The following ABCA13 variants were observed in gnomAD, a reference collection of about 807,000 sequenced individuals.
ABCA13 encodes the protein ATP binding cassette subfamily A member 13, also known as ATP-binding cassette sub-family A member 13.
A neutral mutation model predicts 478.7 loss-of-function variants in ABCA13; 476 were observed. The ratio of observed to expected loss-of-function variants is 0.99; its 90% CI spans 0.92 to 1.07. The LOEUF is 1.07. ABCA13 is among the 50% of genes least tolerant of loss of function. The probability of loss-of-function intolerance (pLI) is 0.00; values close to 1 mark genes in which losing one functional copy is unlikely to be tolerated. For synonymous variants in ABCA13, 2,252 were observed against 2,158.9 expected, an observed-to-expected ratio of 1.04 and a Z score of -1.20; for missense variants, 6,060 against 5,910.6, an observed-to-expected ratio of 1.03 and a Z score of -0.83.
At chr7:48,451,615 GTGTGCCCATTTTCTTT>G (rs1825045924) in intron 42 of ABCA13, among the ~76,000 whole-genome samples, 1 of 152,048 alleles carries the variant, frequency 6.6e-6, no homozygotes, top group Non-Finnish European at 1.5e-5. Flanking sequence ...CCTGAACGTT[GTGTGCCCATTTTCTTT>G]TGGAGTTTTC....
rs1790817665 is a variant in ABCA13, at chr7:48,600,837, C to CA, written c.14744+6026dup. ...CCACAGTCTTAAATAGTAATCCATA[C>CA]AATTGTCATTTCTGACGCATATCTG... On this transcript the variant is annotated intron_variant, in intron 58 of 61. Coordinates refer to ENST00000435803, the MANE Select transcript of ABCA13 (RefSeq NM_152701.5). 2.0e-5 allele frequency among the ~76,000 whole-genome samples: 3 copies of CA among 152,118 alleles called. 1 individual carries two copies. The highest frequency in any genetic ancestry group is 4.1e-4 in the South Asian group (2 of 4,830).
In ABCA13 at chr7:48,394,372, C is replaced by T. The variant is rs572669597; in HGVS notation, c.11873+2233C>T. Among the ~76,000 whole-genome samples the T allele has an allele frequency of 5.3e-5, 8 of 152,270 alleles. No homozygotes were observed. In the South Asian group the frequency reaches 6.2e-4, roughly 12 times the overall value. The stretch of plus-strand genomic sequence containing the variant: ...CCCTGAGCACACTGAACAGGCCCTT[C>T]GCTGCGTTCGTGTTGTGATGGGCTC... On this transcript the variant is annotated intron_variant, in intron 38 of 61. Coordinates refer to ENST00000435803, the MANE Select transcript of ABCA13 (RefSeq NM_152701.5).
At chr7:48,186,517 A>G (rs1424790124) in intron 1 of ABCA13, among the ~76,000 whole-genome samples, 2 of 150,452 alleles carry the variant, frequency 1.3e-5, no homozygotes, top group Non-Finnish European at 3.0e-5. Context: ...GTGTAGATTT[A>G]GCTTTCCTAG....
chr7:48,439,230 AG>A (rs1166729621), intron 42 of ABCA13, among the ~76,000 whole-genome samples: 1 of 152,154 alleles, frequency 6.6e-6, no homozygotes, highest in Non-Finnish European at 1.5e-5. Context: ...TCTAGAGCTC[AG>A]GGGTCTCTTC....
At chr7:48,216,446 T>C (rs1786491521) in intron 3 of ABCA13, among the ~76,000 whole-genome samples, 1 of 152,192 alleles carries the variant, frequency 6.6e-6, no homozygotes, top group South Asian at 2.1e-4. Flanking sequence ...ATTATTTGTC[T>C]TTTTATTATA....
chr7:48,291,185 T>A (rs1263865543), intron 20 of ABCA13, among the ~76,000 whole-genome samples: 1 of 152,000 alleles, frequency 6.6e-6, no homozygotes, highest in African/African-American at 2.4e-5. Context: ...TTAGGGGCAG[T>A]GGGTGGGTGA....
At chr7:48,219,311 T>A in intron 3 of ABCA13, 43 bp from the exon 4 acceptor site, 1 of 1,558,322 alleles carries the variant, frequency 6.4e-7, no homozygotes, top group South Asian at 1.3e-5. Flanking sequence ...GGAAACTTAT[T>A]CTTGTTAAAG....
intron 48 of ABCA13, among the ~76,000 whole-genome samples, chr7:48,503,196 C>T (rs534171638): frequency 6.6e-6 from 1 of 152,300 alleles, no homozygotes; most frequent in African/African-American, 2.4e-5. Context: ...AAGCAGTCCT[C>T]CCACCTCAGC....
intron 53 of ABCA13, among the ~76,000 whole-genome samples, chr7:48,522,862 T>C (rs1832650276): frequency 6.6e-6 from 1 of 152,222 alleles, no homozygotes; most frequent in Admixed American, 6.5e-5. Context: ...TGTGGGTTAC[T>C]GTGAATACTA....
Position 48,244,578 on chromosome 7 carries a change from T to C in ABCA13, c.1265T>C (p.Leu422Ser), listed in dbSNP as rs1230448956. The C allele has an allele frequency of 6.2e-7, 1 of 1,612,654 alleles. No individual in the cohort carries two copies. Among genetic ancestry groups the C allele is most frequent in the African/African-American group, 1.3e-5 (1 of 74,914 alleles). ...PKDNHTFPKI[L>S]QHLWKLQSLL... ...CATTTATTTATTTTTGCCCTCAGAT[T>C]ACAGCATCTGTGGAAATTGCAAAGC... Residue 422 changes from leucine to serine, a missense_variant and splice_region_variant, in exon 11 of 62, where the codon TTA (leucine) becomes TCA (serine). By Grantham distance (145) the Leu-to-Ser change is moderately radical. Around this residue, in one of 3 missense-constraint regions of ABCA13, gnomAD observed 4,423 missense variants for 4,309.1 expected, o/e 1.03. Transcript: ENST00000435803.
intron 1 of ABCA13, among the ~76,000 whole-genome samples, chr7:48,186,703 G>A (rs1263110016): frequency 2.0e-5 from 3 of 151,860 alleles, no homozygotes; most frequent in East Asian, 1.9e-4. Flanking sequence ...CTCATGAATT[G>A]TTTTTTCTAA....
intron 47 of ABCA13, 38 bp downstream of exon 47, chr7:48,483,201 G>A (rs1828950934): frequency 2.0e-6 from 3 of 1,535,546 alleles, no homozygotes; most frequent in Non-Finnish European, 2.7e-6. Flanking sequence ...GTTTTAGAAA[G>A]TATTTAGGAA....
Position 48,633,275 on chromosome 7 carries a change from A to G in ABCA13, c.14838-10013A>G, listed in dbSNP as rs371185797. On this transcript the variant is annotated intron_variant, in intron 59 of 61. Coordinates refer to ENST00000435803, the MANE Select transcript of ABCA13 (RefSeq NM_152701.5). ...CCAAAGGCACTCAAATTCATAAAAC[A>G]AGTACTTCTAGAACTATGAAAAGAC... 2.0e-5 allele frequency among the ~76,000 whole-genome samples: 3 copies of G among 152,164 alleles called. No individual in the cohort carries two copies. In the South Asian group the frequency reaches 6.2e-4, roughly 32 times the overall value.
At chr7:48,430,374 TAA>T (rs1184234179) in intron 42 of ABCA13, among the ~76,000 whole-genome samples, 2 of 152,182 alleles carry the variant, frequency 1.3e-5, no homozygotes, top group East Asian at 3.9e-4. Flanking sequence ...TTTTGTTTTT[TAA>T]AAGTCTGTAG....
chr7:48,291,145 A>C (rs114619059), intron 20 of ABCA13, among the ~76,000 whole-genome samples: 1,689 of 152,226 alleles, frequency 0.011, 33 homozygotes, highest in African/African-American at 0.039. Flanking sequence ...TGACATTCAG[A>C]CATCAGACAA....
chr7:48,615,944 T>A (rs1792528549), intron 59 of ABCA13, among the ~76,000 whole-genome samples: 2 of 152,222 alleles, frequency 1.3e-5, no homozygotes, highest in African/African-American at 4.8e-5. Flanking sequence ...GTATTTTCTT[T>A]ATTTCCTTTT....
chr7:48,490,663 T>C (rs1016398548), intron 48 of ABCA13, among the ~76,000 whole-genome samples: 1 of 152,212 alleles, frequency 6.6e-6, no homozygotes, highest in Admixed American at 6.5e-5. Flanking sequence ...GTTCAGCTTA[T>C]ATGGAACAGT....
At position 48,372,531 on chromosome 7, in the gene ABCA13, A is replaced by AC. The variant is rs1009525165; in HGVS notation, c.11133+34_11133+35insC. ...GTTGTTTTGTAAAAAAAAAAAAAAAAAACAACAAAATTGCAATCTATCTAA... is the reference window on the plus strand; with the variant it reads ...GTTGTTTTGTAAAAAAAAAAAAAAAACAACAACAAAATTGCAATCTATCTAA... On this transcript the variant is annotated intron_variant, in intron 33 of 61. Coordinates refer to ENST00000435803, the MANE Select transcript of ABCA13 (RefSeq NM_152701.5). The AC allele has an allele frequency of 5.4e-6, 8 of 1,472,210 alleles. No individual in the cohort carries two copies. The South Asian group carries it at 6.7e-5, about 12-fold the overall frequency. The allele number at this position is 1,472,210 out of a possible 1,614,324, so 91.2% of individuals were successfully genotyped here.
intron 34 of ABCA13, 71 bp downstream of exon 34, chr7:48,374,487 A>G (rs1413316000): frequency 2.2e-5 from 30 of 1,349,158 alleles, no homozygotes; most frequent in Non-Finnish European, 2.9e-5. Context: ...TTATATTGCA[A>G]GTGATCCAGT....
Sources: allele counts gnomAD v4.1 joint callset (sites outside exome capture counted in the v4.1 genomes callset), GRCh38; gene constraint gnomAD v4.1.1; regional missense constraint gnomAD v4.1.1; transcripts MANE v1.5; gene names NCBI Gene and HGNC (gene_info 2026-07-23, HGNC 2026-07-21).